The following PAK2 variants were observed in gnomAD, a reference collection of about 807,000 sequenced individuals.
PAK2 encodes p21 (RAC1) activated kinase 2.
Under a neutral mutation model 65.9 loss-of-function variants are expected in PAK2, and 21 were observed. That is an observed-to-expected ratio of 0.32 (90% CI 0.23 to 0.46). The LOEUF (loss-of-function observed/expected upper bound fraction) is 0.46. PAK2 is among the 20% of genes least tolerant of loss of function. PAK2 has a pLI of 1.00. For synonymous variants in PAK2, 204 were observed against 219.7 expected (o/e 0.93, Z 0.63); for missense variants, 324 against 642.6 (o/e 0.50, Z 5.36).
chr3:196,802,551 A>C (rs758733764), intron 3 of PAK2, among the ~76,000 whole-genome samples: 15 of 151,696 alleles, frequency 9.9e-5, no homozygotes, highest in Non-Finnish European at 2.1e-4. Flanking sequence ...ACTTAGAAAA[A>C]ATAGACCTAG....
chr3:196,782,182 T>G (rs1714734486), intron 1 of PAK2, among the ~76,000 whole-genome samples: 1 of 152,218 alleles, frequency 6.6e-6, no homozygotes, highest in African/African-American at 2.4e-5. Context: ...GAAATCAGAT[T>G]GGAGGGGTGC....
intron 1 of PAK2, among the ~76,000 whole-genome samples, chr3:196,744,230 G>GA (rs967760496): frequency 1.3e-5 from 2 of 151,830 alleles, no homozygotes; most frequent in African/African-American, 2.4e-5. Flanking sequence ...AATAAAAGTA[G>GA]AAAAAAATAT....
intron 14 of PAK2, 147 bp downstream of exon 14, chr3:196,827,480 A>G (rs1711916894): frequency 2.7e-6 from 4 of 1,462,818 alleles, no homozygotes; most frequent in Non-Finnish European, 2.7e-6. Context: ...TCATCCTACC[A>G]TGCTGAGCAA....
chr3:196,817,910 A>T (rs1711525741), intron 11 of PAK2, 147 bp from the exon 12 acceptor site: 1 of 466,400 alleles, frequency 2.1e-6, no homozygotes, highest in Admixed American at 3.7e-5. Context: ...TTTGTATATA[A>T]GAGAGGATGT....
At chr3:196,792,804 A>T (rs193175731) in intron 2 of PAK2, among the ~76,000 whole-genome samples, 59 of 150,874 alleles carry the variant, frequency 3.9e-4, no homozygotes, top group Non-Finnish European at 5.8e-4. Context: ...GACAGAAAAA[A>T]ATATATATAT....
chr3:196,801,376 G>A (rs553820932), intron 2 of PAK2, among the ~76,000 whole-genome samples: 1 of 152,092 alleles, frequency 6.6e-6, no homozygotes, highest in Non-Finnish European at 1.5e-5. Context: ...CACTCCATGT[G>A]CCTCCTCAGT....
At chr3:196,807,525 C>T (rs1715626155) in intron 6 of PAK2, among the ~76,000 whole-genome samples, 1 of 152,182 alleles carries the variant, frequency 6.6e-6, no homozygotes, top group Non-Finnish European at 1.5e-5. Flanking sequence ...CCTGGTCACA[C>T]TTAAATTTCA....
intron 9 of PAK2, 149 bp from the exon 10 acceptor site, chr3:196,812,590 C>T (rs1715864538): frequency 1.7e-6 from 1 of 598,006 alleles, no homozygotes; most frequent in Non-Finnish European, 3.0e-6. Context: ...AAGCATTGTG[C>T]ACAGGCAGTG....
intron 2 of PAK2, among the ~76,000 whole-genome samples, chr3:196,799,677 C>T (rs1715359602): frequency 6.6e-6 from 1 of 152,166 alleles, no homozygotes; most frequent in African/African-American, 2.4e-5. Context: ...TTTTTTGAGG[C>T]AGTCTCACGC....
chr3:196,806,539 A>G (rs769147909), intron 5 of PAK2, 40 bp from the exon 6 acceptor site: 19 of 1,244,956 alleles, frequency 1.5e-5, no homozygotes, highest in African/African-American at 4.4e-5. Context: ...ATTTAAGCCT[A>G]TTGGACTTGT....
At chr3:196,775,206 G>T (rs533333625) in intron 1 of PAK2, among the ~76,000 whole-genome samples, 1 of 152,110 alleles carries the variant, frequency 6.6e-6, no homozygotes, top group Non-Finnish European at 1.5e-5. Flanking sequence ...TGCTTAAAGG[G>T]TACGTCATGT....
rs143521270 is a variant in PAK2 at position 196,804,966 on chromosome 3, A to C, written c.437-386A>C. ...TGTCATTGTCTTAATTGTTGCATTA[A>C]GTTCCTCAGTCAGCAGTTTTCTGGA... On this transcript the variant is annotated intron_variant, in intron 4 of 14. Transcript: ENST00000327134. Among the ~76,000 whole-genome samples, 472 of 152,196 alleles carry C rather than the reference A, an allele frequency of 3.1e-3. 2 individuals carry two copies. Among genetic ancestry groups the C allele is most frequent in the African/African-American group, 0.011 (450 of 41,530 alleles).
At chr3:196,773,162 T>G (rs558404224) in intron 1 of PAK2, among the ~76,000 whole-genome samples, 8 of 152,342 alleles carry the variant, frequency 5.3e-5, no homozygotes, top group African/African-American at 1.4e-4. Flanking sequence ...GAGTACAGTG[T>G]GTTTTGGGCA....
intron 1 of PAK2, among the ~76,000 whole-genome samples, chr3:196,768,138 G>A (rs961072651): frequency 2.6e-5 from 4 of 152,046 alleles, no homozygotes; most frequent in African/African-American, 9.7e-5. Flanking sequence ...GTTTTAAAAT[G>A]ATAAATCAAC....
chr3:196,769,646 C>CA (rs752376984), intron 1 of PAK2, among the ~76,000 whole-genome samples: 4,133 of 39,458 alleles, frequency 0.1, 93 homozygotes, highest in Non-Finnish European at 0.13. Context: ...CCCGTCTCTC[C>CA]TAAAAAAAAA....
intron 11 of PAK2, among the ~76,000 whole-genome samples, chr3:196,815,608 G>C (rs1000927671): frequency 6.6e-6 from 1 of 151,696 alleles, no homozygotes; most frequent in Admixed American, 6.6e-5. Context: ...CCAACACGGT[G>C]AAACCCCGTC....
At chr3:196,811,968 AT>A (rs2108765581) in intron 8 of PAK2, among the ~76,000 whole-genome samples, 1 of 152,090 alleles carries the variant, frequency 6.6e-6, no homozygotes, top group East Asian at 1.9e-4. Flanking sequence ...ATGTTATATA[AT>A]TTTTTTCCTG....
At chr3:196,759,541 A>C in intron 1 of PAK2, among the ~76,000 whole-genome samples, 1 of 73,224 alleles carries the variant, frequency 1.4e-5, no homozygotes, top group East Asian at 4.1e-4. Flanking sequence ...TTTTTTTGAG[A>C]TAGAGTCTTG....
At chr3:196,776,747 C>G (rs546237227) in intron 1 of PAK2, among the ~76,000 whole-genome samples, 2 of 152,290 alleles carry the variant, frequency 1.3e-5, no homozygotes, top group South Asian at 2.1e-4. Context: ...TGTAAAACTT[C>G]TGCATGGGTA....
Sources: gnomAD v4.1 joint callset for allele counts (sites outside exome capture counted in the v4.1 genomes callset) on GRCh38, gnomAD v4.1.1 for gene constraint, MANE v1.5 for transcripts, NCBI Gene and HGNC (gene_info 2026-07-23, HGNC 2026-07-21) for gene names.